The following IGSF11 variants were observed in gnomAD, a reference collection of about 807,000 sequenced individuals.
The protein encoded by IGSF11 is immunoglobulin superfamily member 11.
Under a neutral mutation model 41.0 loss-of-function variants are expected in IGSF11, and 22 were observed. That is an observed-to-expected ratio of 0.54 (90% CI 0.38 to 0.77). IGSF11 has a LOEUF of 0.77. Ranked by LOEUF, IGSF11 falls within the 30% of genes least tolerant of loss-of-function variation. The pLI, the probability that IGSF11 is intolerant of heterozygous loss-of-function variation, is 0.00. For synonymous variants in IGSF11, 219 were observed against 201.3 expected (o/e 1.09, Z -0.74); for missense variants, 444 against 530.8 (o/e 0.84, Z 1.61).
In IGSF11 at chr3:118,928,648, T is replaced by C. The variant is rs1356622239; in HGVS notation, c.285A>G (p.Thr95=). The C allele has an allele frequency of 1.9e-6, 3 of 1,613,978 alleles. No homozygotes were observed. Among genetic ancestry groups the C allele is most frequent in the Non-Finnish European group, 1.7e-6 (2 of 1,180,010 alleles). Residue 95 remains threonine, a synonymous_variant, in exon 3 of 7, where the codon ACA becomes ACG. Coordinates refer to ENST00000393775, the MANE Select transcript of IGSF11 (RefSeq NM_001015887.3). ...APRFHGRVGF[T]GTMPATNVSI... ...AGACATTGGTAGCTGGCATGGTGCC[T>C]GTAAATCCTACCCTACCGTGGAACC...
At chr3:119,076,025 A>G (rs2076488996) in intron 1 of IGSF11, among the ~76,000 whole-genome samples, 3 of 152,250 alleles carry the variant, frequency 2.0e-5, no homozygotes, top group Non-Finnish European at 4.4e-5. Flanking sequence ...ACAAGGCTAC[A>G]GTAACCAAAA....
intron 1 of IGSF11, among the ~76,000 whole-genome samples, chr3:119,057,958 A>C (rs992594452): frequency 5.3e-5 from 8 of 152,250 alleles, no homozygotes; most frequent in Non-Finnish European, 8.8e-5. Context: ...CTTACACCTT[A>C]TACAAACATT....
chr3:118,909,239 TTAAA>T (rs1939979453), intron 4 of IGSF11, among the ~76,000 whole-genome samples: 1 of 152,092 alleles, frequency 6.6e-6, no homozygotes, highest in East Asian at 1.9e-4. Context: ...CTTATATATT[TTAAA>T]TAATGAGTAA....
At chr3:118,980,292 G>A (rs1934578327) in intron 1 of IGSF11, among the ~76,000 whole-genome samples, 1 of 152,118 alleles carries the variant, frequency 6.6e-6, no homozygotes, top group Non-Finnish European at 1.5e-5. Context: ...ATCAACAGAT[G>A]ATGAATAAAG....
upstream of IGSF11, among the ~76,000 whole-genome samples, chr3:119,037,030 G>A (rs371376004): frequency 7.2e-5 from 11 of 152,292 alleles, no homozygotes; most frequent in South Asian, 1.9e-3. Context: ...TCCAAGTGCT[G>A]TACACAGAGG....
chr3:119,033,173 CATTT>C, intron 1 of IGSF11, among the ~76,000 whole-genome samples: 1 of 152,120 alleles, frequency 6.6e-6, no homozygotes, highest in South Asian at 2.1e-4. Context: ...AAAAGAGGAG[CATTT>C]ATTATAATAT....
At chr3:119,057,093 A>G (rs1266650217) in intron 1 of IGSF11, among the ~76,000 whole-genome samples, 3 of 152,304 alleles carry the variant, frequency 2.0e-5, no homozygotes, top group South Asian at 2.1e-4. Context: ...CACCACTCCT[A>G]TTCAACATAG....
intron 1 of IGSF11, among the ~76,000 whole-genome samples, chr3:118,982,863 T>G (rs1007451569): frequency 3.3e-5 from 5 of 152,188 alleles, no homozygotes; most frequent in African/African-American, 1.2e-4. Context: ...AAAGTTTATT[T>G]CTTGCCCATA....
chr3:119,059,944 T>C (rs1222220543), intron 1 of IGSF11, among the ~76,000 whole-genome samples: 1 of 152,082 alleles, frequency 6.6e-6, no homozygotes, highest in African/African-American at 2.4e-5. Flanking sequence ...AAGGAAGAGA[T>C]GAAAAAGAGT....
chr3:119,136,009 A>C (rs1217287858), intron 1 of IGSF11, among the ~76,000 whole-genome samples: 4 of 152,230 alleles, frequency 2.6e-5, no homozygotes, highest in African/African-American at 9.6e-5. Flanking sequence ...TGGGAACTGA[A>C]CAATGAGAAC....
chr3:119,046,618 C>G (rs1426869847), intron 1 of IGSF11, among the ~76,000 whole-genome samples: 1 of 151,906 alleles, frequency 6.6e-6, no homozygotes, highest in Admixed American at 6.6e-5. Flanking sequence ...GGCAGGCCAA[C>G]ATTCAGATTC....
At chr3:118,988,243 T>C (rs377354420) in intron 1 of IGSF11, among the ~76,000 whole-genome samples, 2 of 152,172 alleles carry the variant, frequency 1.3e-5, no homozygotes, top group East Asian at 1.9e-4. Context: ...TGATAGTGTA[T>C]GAAGATCACT....
chr3:118,959,478 T>G (rs1041953596), intron 1 of IGSF11, among the ~76,000 whole-genome samples: 5 of 152,204 alleles, frequency 3.3e-5, no homozygotes, highest in African/African-American at 1.2e-4. Context: ...TCAAGGGTTA[T>G]TCATGATGGA....
intron 1 of IGSF11, among the ~76,000 whole-genome samples, chr3:119,111,626 G>T (rs2077162444): frequency 6.6e-6 from 1 of 152,374 alleles, no homozygotes; most frequent in Middle Eastern, 3.4e-3. Context: ...TTGTTCGGTT[G>T]CTGGTGAGGA....
intron 1 of IGSF11, among the ~76,000 whole-genome samples, chr3:118,937,286 T>G: frequency 6.6e-6 from 1 of 152,204 alleles, no homozygotes. Flanking sequence ...ACCTATCAAA[T>G]TAAGTTTTAT....
chr3:119,107,359 A>G (rs1396421428), upstream of IGSF11, among the ~76,000 whole-genome samples: 2 of 151,916 alleles, frequency 1.3e-5, no homozygotes, highest in East Asian at 1.9e-4. Flanking sequence ...CATTTTTCAT[A>G]TGTCTTTTGG....
intron 1 of IGSF11, among the ~76,000 whole-genome samples, chr3:119,115,431 ATAAAAGCCATTT>A (rs1357299386): frequency 1.3e-5 from 2 of 152,202 alleles, no homozygotes; most frequent in Non-Finnish European, 2.9e-5. Context: ...TGTCTTTTGG[ATAAAAGCCATTT>A]TAACTGAGGT....
intron 6 of IGSF11, among the ~76,000 whole-genome samples, chr3:118,903,406 T>C (rs1355057108): frequency 6.6e-6 from 1 of 152,086 alleles, no homozygotes; most frequent in Non-Finnish European, 1.5e-5. Context: ...AAATATTTAC[T>C]GTAAGTAGGA....
chr3:118,953,037 T>C (rs7617443), intron 1 of IGSF11, among the ~76,000 whole-genome samples: 24,171 of 151,982 alleles, frequency 0.16, 2,607 homozygotes, highest in South Asian at 0.3. Context: ...TGTAGTCTTT[T>C]ATCCCGCATC....
Sources: gnomAD v4.1 joint callset for allele counts (sites outside exome capture counted in the v4.1 genomes callset) on GRCh38, gnomAD v4.1.1 for gene constraint, MANE v1.5 for transcripts, NCBI Gene and HGNC (gene_info 2026-07-23, HGNC 2026-07-21) for gene names.